ABCB9: variants seen among roughly 807,000 people sequenced by gnomAD.
The protein encoded by ABCB9 is ATP binding cassette subfamily B member 9.
A neutral mutation model predicts 62.0 loss-of-function variants in ABCB9; 36 were observed. The observed-to-expected ratio is 0.58, with a 90% CI of 0.45 to 0.77. ABCB9 has a LOEUF of 0.77. Among genes scored for constraint, ABCB9 ranks in the 30% least tolerant of loss-of-function variants. ABCB9 has a pLI of 0.00. For synonymous variants in ABCB9, 435 were observed against 461.4 expected (o/e 0.94, Z 0.73); for missense variants, 943 against 1,054.7 (o/e 0.89, Z 1.47).
chr12:122,965,881 GC>G (rs1023261964), intron 1 of ABCB9, among the ~76,000 whole-genome samples: 33 of 152,350 alleles, frequency 2.2e-4, no homozygotes, highest in Admixed American at 8.5e-4. Context: ...GCAGGAACAG[GC>G]CAGATCCCCC....
At chr12:122,954,303 G>T (rs1348726816) in intron 2 of ABCB9, among the ~76,000 whole-genome samples, 1 of 152,050 alleles carries the variant, frequency 6.6e-6, no homozygotes, top group African/African-American at 2.4e-5. Context: ...CTGCCTCCTG[G>T]GTTCAAGCGA....
intron 11 of ABCB9, among the ~76,000 whole-genome samples, chr12:122,922,212 G>A (rs1311085619): frequency 1.3e-5 from 2 of 152,060 alleles, no homozygotes; most frequent in African/African-American, 4.8e-5. Context: ...TGTTTAGTTT[G>A]TTTACAGTGT....
chr12:122,960,364 T>G, intron 1 of ABCB9, 42 bp from the exon 2 acceptor site: 1 of 1,313,654 alleles, frequency 7.6e-7, no homozygotes, highest in Non-Finnish European at 1.0e-6. Flanking sequence ...GGGTTCAGGT[T>G]TGCCACTCGC....
intron 10 of ABCB9, among the ~76,000 whole-genome samples, chr12:122,933,580 CAGTGG>C: frequency 6.6e-6 from 1 of 151,796 alleles, no homozygotes; most frequent in African/African-American, 2.4e-5. Flanking sequence ...GTGAATAATC[CAGTGG>C]CATTTAGTGC....
At chr12:122,931,053 C>A (rs1311607171) in intron 11 of ABCB9, among the ~76,000 whole-genome samples, 4 of 152,048 alleles carry the variant, frequency 2.6e-5, no homozygotes, top group African/African-American at 9.7e-5. Flanking sequence ...CAGATGGAGT[C>A]TCACTCTGTT....
At position 122,940,437 on chromosome 12, in the gene ABCB9, GA is replaced by G. The variant is rs1290052746; in HGVS notation, c.1570-154del. ...GCTGGCCCCTAAACGTTCTTTCTAA[GA>G]CACTAGGACTTGGAAGCACCTTGAG... On this transcript the variant is annotated intron_variant, in intron 8 of 11. Transcript: ENST00000280560. This position sits in a 1 kb window ranked among gnomAD's most constrained non-coding sequence, Gnocchi z 4.8. 1.3e-5 allele frequency among the ~76,000 whole-genome samples: 2 copies of G among 152,120 alleles called. No individual in the cohort carries two copies. The highest frequency in any genetic ancestry group is 6.5e-5 in the Admixed American group (1 of 15,274).
At chr12:122,949,746 G>A (rs779971328) in intron 4 of ABCB9, 42 bp downstream of exon 4, 4 of 1,610,548 alleles carry the variant, frequency 2.5e-6, no homozygotes, top group African/African-American at 1.3e-5. Context: ...CACAGGGGTG[G>A]GGCCCAGCCC....
At chr12:122,924,886 A>G, downstream of ABCB9, 4 of 1,424,774 alleles carry the variant, frequency 2.8e-6, no homozygotes, top group Non-Finnish European at 3.8e-6. Flanking sequence ...TAAAAGTCAT[A>G]ACTCTCCACA....
At chr12:122,949,134 T>G in intron 4 of ABCB9, 2 of 245,636 alleles carry the variant, frequency 8.1e-6, no homozygotes, top group African/African-American at 2.2e-5. Context: ...TTCAAACCCA[T>G]GTCTCCTCCC....
intron 10 of ABCB9, among the ~76,000 whole-genome samples, chr12:122,934,518 G>A (rs1037145631): frequency 4.0e-5 from 6 of 151,442 alleles, no homozygotes; most frequent in East Asian, 1.9e-4. Flanking sequence ...GCAAGACCCC[G>A]TCTCTACAAC....
chr12:122,949,962 C>G (rs770215845), intron 3 of ABCB9, 44 bp from the exon 4 acceptor site: 1 of 1,611,028 alleles, frequency 6.2e-7, no homozygotes, highest in South Asian at 1.1e-5. Flanking sequence ...TCCTTCCAGA[C>G]CAGTGACCAC....
rs1594032256 is a variant in ABCB9, at chr12:122,947,598, A to G, written c.1053+1026T>C. 3 of 351,816 alleles carry G rather than the reference A, an allele frequency of 8.5e-6. No individual in the cohort carries two copies. Among genetic ancestry groups the G allele is most frequent in the Admixed American group, 6.2e-5 (2 of 32,352 alleles). 21.8% of individuals were successfully genotyped at this position (351,816 alleles called of 1,614,324 possible). On this transcript the variant is annotated intron_variant, in intron 5 of 11. Coordinates refer to ENST00000280560, the MANE Select transcript of ABCB9 (RefSeq NM_019625.4). The surrounding 1 kb of genome is among the most constrained non-coding windows in gnomAD (Gnocchi z 6.0). Reference sequence around the variant, plus strand: ...CAGGGTCACAGCCCTGCCTGTCTGAACCCAGCCTGTCTGTCCCTTAGGGCT... The same window carrying G: ...CAGGGTCACAGCCCTGCCTGTCTGAGCCCAGCCTGTCTGTCCCTTAGGGCT...
chr12:122,975,063 G>C, exon 1 of ABCB9: 1 of 469,030 alleles, frequency 2.1e-6, no homozygotes, highest in Non-Finnish European at 3.8e-6. Context: ...GGAACGAGGA[G>C]GCCGCCGGTC....
intron 2 of ABCB9, among the ~76,000 whole-genome samples, chr12:122,958,362 A>G (rs1335053090): frequency 6.6e-6 from 1 of 152,196 alleles, no homozygotes; most frequent in African/African-American, 2.4e-5. Context: ...AGCAAAACAT[A>G]AAACAATGTG....
Position 122,929,202 on chromosome 12 carries a change from C to A in ABCB9, c.*709G>T, listed in dbSNP as rs1030707136. On this transcript the variant is annotated 3_prime_UTR_variant, in exon 12 of 12. Coordinates refer to ENST00000280560, the MANE Select transcript of ABCB9 (RefSeq NM_019625.4). This position sits in a 1 kb window ranked among gnomAD's most constrained non-coding sequence, Gnocchi z 6.0. The stretch of plus-strand genomic sequence containing the variant: ...CAGCCAGGGGTGGGTGGACGAGGGG[C>A]GAAAGCGCTGGGTGCCGGGCTGGGG... 1 of 986,056 alleles carries A rather than the reference C, an allele frequency of 1.0e-6. No homozygotes were observed. Among genetic ancestry groups the A allele is most frequent in the Non-Finnish European group, 1.2e-6 (1 of 830,148 alleles). The allele number at this position is 986,056 out of a possible 1,614,324, so 61.1% of individuals were successfully genotyped here. A position where few individuals can be genotyped will look rare whatever the true frequency, so the allele number is the denominator to read the frequency against.
chr12:122,945,728 A>C (rs1192702691), intron 6 of ABCB9, among the ~76,000 whole-genome samples: 1 of 152,046 alleles, frequency 6.6e-6, no homozygotes, highest in Non-Finnish European at 1.5e-5. Context: ...AAATACAAAA[A>C]TTAGCCAGGC....
chr12:122,924,614 A>C, downstream of ABCB9: 1 of 1,434,512 alleles, frequency 7.0e-7, no homozygotes, highest in Non-Finnish European at 9.2e-7. Context: ...GCAGTGATGA[A>C]GACAAACTCT....
upstream of ABCB9, among the ~76,000 whole-genome samples, chr12:122,969,184 C>T (rs868188143): frequency 0.043 from 6,419 of 147,946 alleles, 596 homozygotes; most frequent in African/African-American, 0.15. Flanking sequence ...ACCCCCCCCC[C>T]CCCCCCGGCT....
upstream of ABCB9, among the ~76,000 whole-genome samples, chr12:122,969,023 A>G (rs894302458): frequency 2.6e-5 from 4 of 152,312 alleles, no homozygotes; most frequent in African/African-American, 4.8e-5. Flanking sequence ...ACTTGAAACA[A>G]TCTTAGAATG....
Sources: allele counts gnomAD v4.1 joint callset (sites outside exome capture counted in the v4.1 genomes callset), GRCh38; gene constraint gnomAD v4.1.1; non-coding constraint Gnocchi (gnomAD v3.1); transcripts MANE v1.5; gene names NCBI Gene and HGNC (gene_info 2026-07-23, HGNC 2026-07-21).